PAPSS1: variants seen among roughly 807,000 people sequenced by gnomAD.
The protein encoded by PAPSS1 is 3'-phosphoadenosine 5'-phosphosulfate synthase 1.
Under a neutral mutation model 72.0 loss-of-function variants are expected in PAPSS1, and 50 were observed. The ratio of observed to expected loss-of-function variants is 0.69; its 90% CI spans 0.55 to 0.88. The LOEUF (loss-of-function observed/expected upper bound fraction) is 0.88. PAPSS1 is among the 40% of genes least tolerant of loss of function. The probability of loss-of-function intolerance (pLI) is 0.00; values close to 1 mark genes in which losing one functional copy is unlikely to be tolerated. For missense variants in PAPSS1, 657 were observed against 782.2 expected, an observed-to-expected ratio of 0.84 and a Z score of 1.91; for synonymous variants, 261 against 263.6, an observed-to-expected ratio of 0.99 and a Z score of 0.09.
At chr4:107,720,092 C>A in intron 1 of PAPSS1, 28 bp downstream of exon 1, 3 of 1,596,726 alleles carry the variant, frequency 1.9e-6, no homozygotes, top group Non-Finnish European at 2.6e-6. Context: ...CTCCGCTCCT[C>A]GCCGTCTCGC....
chr4:107,639,363 G>A (rs1174433654), intron 10 of PAPSS1, among the ~76,000 whole-genome samples: 1 of 152,142 alleles, frequency 6.6e-6, no homozygotes, highest in Non-Finnish European at 1.5e-5. Context: ...GTCCACAATT[G>A]CTTATCTAAA....
intron 6 of PAPSS1, among the ~76,000 whole-genome samples, chr4:107,657,553 C>G (rs1228137777): frequency 7.2e-5 from 11 of 152,082 alleles, no homozygotes. Context: ...GAAACCCAGT[C>G]TCTACTAAAA....
At chr4:107,690,461 C>A (rs1326973272) in intron 3 of PAPSS1, among the ~76,000 whole-genome samples, 1 of 152,306 alleles carries the variant, frequency 6.6e-6, no homozygotes, top group East Asian at 1.9e-4. Context: ...CTCTGTGATT[C>A]TCTCATAACA....
Position 107,654,806 on chromosome 4 carries a change from A to C in PAPSS1, c.990T>G (p.Tyr330Ter), listed in dbSNP as rs778694415. ...GAAGAATGGCCACACGGCGGCCCTC[A>C]TACATCAGAGCAAATGCTGTACAGC... Reference protein sequence around the residue: ...LDGCTAFALMYEGRRVAILRN... With the variant: ...LDGCTAFALM Residue 330 changes from tyrosine (Y) to a stop codon, truncating the protein, a stop_gained, in exon 8 of 12, where the codon TAT becomes TAG. Transcript: ENST00000265174. LOFTEE classifies it high-confidence loss of function. 2.5e-6 allele frequency: 4 copies of C among 1,613,944 alleles called. No individual in the cohort carries two copies. The East Asian group carries it at 8.9e-5, about 36-fold the overall frequency.
At chr4:107,638,145 G>A (rs557395734) in intron 10 of PAPSS1, among the ~76,000 whole-genome samples, 1 of 152,254 alleles carries the variant, frequency 6.6e-6, no homozygotes, top group South Asian at 2.1e-4. Flanking sequence ...TTTCAATTAA[G>A]TTCTATTACT....
At chr4:107,692,109 T>C (rs532088748) in intron 3 of PAPSS1, among the ~76,000 whole-genome samples, 1 of 152,092 alleles carries the variant, frequency 6.6e-6, no homozygotes, top group Non-Finnish European at 1.5e-5. Flanking sequence ...ATCTAGGTAA[T>C]ACCATTCAGG....
chr4:107,666,101 G>A (rs1285051570), intron 5 of PAPSS1, among the ~76,000 whole-genome samples: 1 of 151,988 alleles, frequency 6.6e-6, no homozygotes, highest in Non-Finnish European at 1.5e-5. Flanking sequence ...ACGACATTCC[G>A]GCAACACTTT....
intron 5 of PAPSS1, among the ~76,000 whole-genome samples, chr4:107,681,690 A>G (rs990004720): frequency 6.6e-6 from 1 of 152,180 alleles, no homozygotes; most frequent in African/African-American, 2.4e-5. Flanking sequence ...GAAAAATATA[A>G]TACTATCAAG....
At chr4:107,627,203 G>A (rs1036990634) in intron 11 of PAPSS1, among the ~76,000 whole-genome samples, 1 of 152,188 alleles carries the variant, frequency 6.6e-6, no homozygotes, top group Non-Finnish European at 1.5e-5. Flanking sequence ...GGCACAAGAA[G>A]TGTAAAAGAA....
intron 5 of PAPSS1, among the ~76,000 whole-genome samples, chr4:107,675,544 T>A (rs187601706): frequency 6.6e-6 from 1 of 152,132 alleles, no homozygotes; most frequent in African/African-American, 2.4e-5. Context: ...CAATAATTAA[T>A]AACTTACCAA....
chr4:107,665,781 A>G (rs926298788), intron 5 of PAPSS1, among the ~76,000 whole-genome samples: 7 of 152,190 alleles, frequency 4.6e-5, no homozygotes, highest in Non-Finnish European at 7.3e-5. Flanking sequence ...TTGACAGTCT[A>G]ACATCTAACA....
intron 9 of PAPSS1, 33 bp downstream of exon 9, chr4:107,653,458 G>T: frequency 6.3e-7 from 1 of 1,583,522 alleles, no homozygotes; most frequent in Non-Finnish European, 8.6e-7. Context: ...TCTCCAAGCC[G>T]GCCTATATTA....
chr4:107,701,398 G>T, intron 1 of PAPSS1, 113 bp from the exon 2 acceptor site: 1 of 653,784 alleles, frequency 1.5e-6, no homozygotes, highest in South Asian at 2.1e-5. Context: ...CAAAGAAAAA[G>T]ATAAAACAGT....
chr4:107,711,643 T>A (rs1723499300), intron 1 of PAPSS1, among the ~76,000 whole-genome samples: 1 of 152,172 alleles, frequency 6.6e-6, no homozygotes, highest in Admixed American at 6.5e-5. Flanking sequence ...ATCCCTGAAA[T>A]GGTAACAGGC....
At chr4:107,653,048 CATATATATATGA>C (rs1246049811) in intron 9 of PAPSS1, among the ~76,000 whole-genome samples, 2 of 148,338 alleles carry the variant, frequency 1.3e-5, no homozygotes, top group African/African-American at 2.5e-5. Context: ...ACATGACATT[CATATATATATGA>C]ATATATATAT....
chr4:107,718,526 G>T (rs1723693702), intron 1 of PAPSS1: 1 of 152,136 alleles, frequency 6.6e-6, no homozygotes, highest in Non-Finnish European at 1.5e-5. Context: ...CCTCTAAATT[G>T]CAATAAAACT....
intron 2 of PAPSS1, among the ~76,000 whole-genome samples, chr4:107,698,281 G>C (rs2125935604): frequency 6.6e-6 from 1 of 152,240 alleles, no homozygotes; most frequent in Non-Finnish European, 1.5e-5. Context: ...AACAAATCTT[G>C]ACTTCCATGT....
chr4:107,673,790 C>T (rs537811927), intron 5 of PAPSS1, among the ~76,000 whole-genome samples: 1,684 of 152,094 alleles, frequency 0.011, 9 homozygotes, highest in Non-Finnish European at 0.018. Context: ...TTAAGGGCAG[C>T]CAGAGAGAAA....
At chr4:107,682,295 CTT>C (rs113311545) in intron 4 of PAPSS1, among the ~76,000 whole-genome samples, 162 bp from the exon 5 acceptor site, 1 of 150,532 alleles carries the variant, frequency 6.6e-6, no homozygotes, top group African/African-American at 2.4e-5. Flanking sequence ...TCTAATTAAA[CTT>C]TTTTTTTTCC....
Sources: allele counts gnomAD v4.1 joint callset (sites outside exome capture counted in the v4.1 genomes callset), GRCh38; gene constraint gnomAD v4.1.1; transcripts MANE v1.5; gene names NCBI Gene and HGNC (gene_info 2026-07-23, HGNC 2026-07-21).